The following TMEM138 variants were observed in gnomAD, a reference collection of about 807,000 sequenced individuals.
The protein encoded by TMEM138 is transmembrane protein 138.
Under a neutral mutation model 18.1 loss-of-function variants are expected in TMEM138, and 9 were observed. The ratio of observed to expected loss-of-function variants is 0.50; its 90% CI spans 0.30 to 0.87. TMEM138 has a LOEUF of 0.87. TMEM138 is among the 40% of genes least tolerant of loss of function. The pLI is 0.06. For synonymous variants in TMEM138, 79 were observed against 74.8 expected, an observed-to-expected ratio of 1.06 and a Z score of -0.29; for missense variants, 189 against 190.6, an observed-to-expected ratio of 0.99 and a Z score of 0.05.
downstream of TMEM138, among the ~76,000 whole-genome samples, chr11:61,375,213 G>T (rs986480674): frequency 1.3e-5 from 2 of 151,732 alleles, no homozygotes; most frequent in Admixed American, 1.3e-4. Flanking sequence ...AAACTTTTAA[G>T]CTATTTATAG....
Position 61,367,968 on chromosome 11 carries a change from C to T in TMEM138, c.346C>T (p.Leu116Phe), listed in dbSNP as rs1015310118. ...NSNSFIWTDGLQMLFVFQRLA... is the reference protein window; with the variant it reads ...NSNSFIWTDGFQMLFVFQRLA... ...CAACAGCTTCATATGGACAGATGGA[C>T]TTCAAATGCTGTTTGTATTCCAGAG... The change falls in exon 4 of 5, where the codon CTT becomes TTT. Residue 116 changes from leucine (L) to phenylalanine (F), a missense_variant. Transcript: ENST00000278826. 4.3e-6 allele frequency: 7 copies of T among 1,613,528 alleles called. No individual in the cohort carries two copies. Among genetic ancestry groups the T allele is most frequent in the South Asian group, 3.3e-5 (3 of 91,070 alleles).
At chr11:61,371,896 G>T (rs192582149), downstream of TMEM138, among the ~76,000 whole-genome samples, 1 of 152,272 alleles carries the variant, frequency 6.6e-6, no homozygotes, top group Admixed American at 6.5e-5. Context: ...TTAAATTTGG[G>T]CCGGGCACAG....
At chr11:61,371,780 G>A (rs1445300512), downstream of TMEM138, among the ~76,000 whole-genome samples, 3 of 152,176 alleles carry the variant, frequency 2.0e-5, no homozygotes, top group Non-Finnish European at 4.4e-5. Flanking sequence ...ATCAATAGAC[G>A]CAAGGTGTAC....
chr11:61,370,456 A>G (rs1384236035), downstream of TMEM138, among the ~76,000 whole-genome samples: 1 of 152,212 alleles, frequency 6.6e-6, no homozygotes, highest in African/African-American at 2.4e-5. Context: ...ATGATAGTGG[A>G]TACATCAGCA....
At chr11:61,373,325 AC>A (rs1156758894), downstream of TMEM138, among the ~76,000 whole-genome samples, 1 of 152,204 alleles carries the variant, frequency 6.6e-6, no homozygotes, top group African/African-American at 2.4e-5. Flanking sequence ...CTGAAGCAAG[AC>A]CAGCATATGG....
At position 61,366,206 on chromosome 11, in the gene TMEM138, T is replaced by G; in HGVS notation, c.290T>G (p.Val97Gly). The G allele has an allele frequency of 6.2e-7, 1 of 1,612,980 alleles. No homozygotes were observed. Among genetic ancestry groups the G allele is most frequent in the East Asian group, 2.2e-5 (1 of 44,838 alleles). Reference protein sequence around the residue: ...VYFALSISLHVWVMNLRWKNS... With the variant: ...VYFALSISLHGWVMNLRWKNS... ...TTTGCCCTCAGCATCTCCCTTCATG[T>G]CTGGGTCATGGTAAGAGTGGCAGTC... The change falls in exon 3 of 5, where the codon GTC becomes GGC. Residue 97 changes from valine to glycine, a missense_variant. Transcript: ENST00000278826.
At chr11:61,366,246 A>G in intron 3 of TMEM138, 30 bp downstream of exon 3, 2 of 1,591,002 alleles carry the variant, frequency 1.3e-6, no homozygotes, top group Admixed American at 3.7e-5. Context: ...TTCTTTTTTT[A>G]ATTTTTATTT....
rs769245347 is a variant in TMEM138, at chr11:61,364,426, T to A, written c.36T>A (p.Ser12=). 7 of 1,614,120 alleles carry A rather than the reference T, an allele frequency of 4.3e-6. No individual in the cohort carries two copies. The highest frequency in any genetic ancestry group is 5.1e-6 in the Non-Finnish European group (6 of 1,180,028). ...LQTSNYSLVL[S]LQFLLLSYDL... The stretch of plus-strand genomic sequence containing the variant: ...CCAGTAACTACAGCCTGGTGCTCTC[T>A]CTGCAGTTCCTGCTGCTGTCCTATG... The change falls in exon 2 of 5, where the codon TCT becomes TCA. Residue 12 remains serine (S), a synonymous_variant. Transcript: ENST00000278826.
chr11:61,375,641 T>C (rs1163930693), downstream of TMEM138, among the ~76,000 whole-genome samples: 1 of 152,204 alleles, frequency 6.6e-6, no homozygotes, highest in Non-Finnish European at 1.5e-5. Flanking sequence ...TCTTAACTTA[T>C]GACAATACTG....
At chr11:61,372,467 G>A (rs1406569189), downstream of TMEM138, among the ~76,000 whole-genome samples, 70 of 146,068 alleles carry the variant, frequency 4.8e-4, no homozygotes, top group African/African-American at 1.6e-3. Flanking sequence ...GTGCCCAGCC[G>A]GAAAACATTC....
At chr11:61,376,040 A>T (rs1042596552), downstream of TMEM138, among the ~76,000 whole-genome samples, 6 of 152,220 alleles carry the variant, frequency 3.9e-5, no homozygotes, top group African/African-American at 1.2e-4. Context: ...AAGCCAATTT[A>T]AAAGCCTATG....
downstream of TMEM138, among the ~76,000 whole-genome samples, chr11:61,370,822 G>A (rs1858323117): frequency 6.6e-6 from 1 of 152,144 alleles, no homozygotes; most frequent in African/African-American, 2.4e-5. Flanking sequence ...ACGGGAAAGT[G>A]TGGGTGGTTT....
chr11:61,371,553 TA>T (rs905310616), downstream of TMEM138, among the ~76,000 whole-genome samples: 9 of 152,196 alleles, frequency 5.9e-5, no homozygotes, highest in Non-Finnish European at 8.8e-5. Flanking sequence ...GCTCCTAAAG[TA>T]AGAGTTTGTT....
downstream of TMEM138, among the ~76,000 whole-genome samples, chr11:61,376,797 A>G (rs1255907070): frequency 6.6e-6 from 1 of 152,222 alleles, no homozygotes; most frequent in African/African-American, 2.4e-5. Flanking sequence ...ACCTTCTAAA[A>G]ATGAGTTTTC....
At chr11:61,364,999 C>A (rs1320267780) in intron 2 of TMEM138, among the ~76,000 whole-genome samples, 1 of 151,510 alleles carries the variant, frequency 6.6e-6, no homozygotes, top group African/African-American at 2.4e-5. Flanking sequence ...ACCAGTCTGA[C>A]CAACATGGAG....
chr11:61,375,888 C>T (rs972474586), downstream of TMEM138, among the ~76,000 whole-genome samples: 4 of 152,118 alleles, frequency 2.6e-5, no homozygotes, highest in African/African-American at 7.2e-5. Flanking sequence ...TTCTGACAGG[C>T]CCAGGAGTCC....
chr11:61,364,420 GCT>G lies in TMEM138; in HGVS notation c.37_38del (p.Leu13AlafsTer8), dbSNP rs751439589. The G allele has an allele frequency of 5.0e-6, 8 of 1,614,190 alleles. No homozygotes were observed. The highest frequency in any genetic ancestry group is 5.9e-6 in the Non-Finnish European group (7 of 1,180,018). MLQTSNYSLVLSLQFLLLSYD... is the reference protein window; with the variant it reads MLQTSNYSLVXSLQFLLLSYD... ...TCCAGACCAGTAACTACAGCCTGGT[GCT>G]CTCTCTGCAGTTCCTGCTGCTGTCC... On this transcript the variant is annotated frameshift_variant, in exon 2 of 5. Transcript: ENST00000278826. LOFTEE classifies it high-confidence loss of function.
chr11:61,369,371 A>G lies in TMEM138; in HGVS notation c.*662A>G, dbSNP rs1858275169. The G allele has an allele frequency of 6.6e-6, 1 of 152,320 alleles. No individual in the cohort carries two copies. Among genetic ancestry groups the G allele is most frequent in the Non-Finnish European group, 1.5e-5 (1 of 68,124 alleles). The allele number at this position is 152,320 out of a possible 1,614,324, so 9.4% of individuals were successfully genotyped here. ...TACAAAGTATTTTAGCAGAAATTCA[A>G]GATGGAATCTGATGCTGCATCCCCC... On this transcript the variant is annotated 3_prime_UTR_variant, in exon 5 of 5. Coordinates refer to ENST00000278826, the MANE Select transcript of TMEM138 (RefSeq NM_016464.5).
At chr11:61,374,243 G>T (rs184201006), downstream of TMEM138, among the ~76,000 whole-genome samples, 336 of 150,738 alleles carry the variant, frequency 2.2e-3, 1 homozygote, top group African/African-American at 7.7e-3. Context: ...TGCGTCCCGG[G>T]TTCAAGCAAT....
Sources: allele counts gnomAD v4.1 joint callset (sites outside exome capture counted in the v4.1 genomes callset), GRCh38; gene constraint gnomAD v4.1.1; transcripts MANE v1.5; gene names NCBI Gene and HGNC (gene_info 2026-07-23, HGNC 2026-07-21).